ATP8B4: variants seen among roughly 807,000 people sequenced by gnomAD.
The protein encoded by ATP8B4 is probable phospholipid-transporting ATPase IM.
ATP8B4 carries 133 observed loss-of-function variants against 145.6 expected under a neutral mutation model. The observed-to-expected ratio is 0.91, with a 90% confidence interval of 0.79 to 1.05. The LOEUF (loss-of-function observed/expected upper bound fraction) is 1.05. Ranked by LOEUF, ATP8B4 falls within the 50% of genes least tolerant of loss-of-function variation. The pLI, the probability that ATP8B4 is intolerant of heterozygous loss-of-function variation, is 0.00. For synonymous variants in ATP8B4, 507 were observed against 492.9 expected, an observed-to-expected ratio of 1.03 and a Z score of -0.38; for missense variants, 1,458 against 1,425.2, an observed-to-expected ratio of 1.02 and a Z score of -0.37.
At chr15:50,023,779 C>CAAAAAAAAAAAAAAAA (rs60030651) in intron 6 of ATP8B4, among the ~76,000 whole-genome samples, 7 of 75,038 alleles carry the variant, frequency 9.3e-5, no homozygotes, top group Non-Finnish European at 1.5e-4. Context: ...AGACCAAAGG[C>CAAAAAAAAAAAAAAAA]AAAAAAAAAA....
intron 10 of ATP8B4, among the ~76,000 whole-genome samples, chr15:49,983,904 G>T (rs1567140536): frequency 6.6e-6 from 1 of 152,124 alleles, no homozygotes; most frequent in Admixed American, 6.5e-5. Flanking sequence ...TATGATTTTG[G>T]CTTGAGATTA....
chr15:50,155,382 C>A (rs568331073), intron 1 of ATP8B4, among the ~76,000 whole-genome samples: 96 of 152,098 alleles, frequency 6.3e-4, no homozygotes, highest in African/African-American at 2.2e-3. Flanking sequence ...AGTTTTATAA[C>A]CTTTGTGTCA....
At chr15:50,014,604 G>A (rs1257455598) in intron 6 of ATP8B4, among the ~76,000 whole-genome samples, 2 of 152,042 alleles carry the variant, frequency 1.3e-5, no homozygotes, top group Non-Finnish European at 2.9e-5. Flanking sequence ...TTGAATTTCA[G>A]ATAAACAACA....
At chr15:50,072,980 C>CTATATATATATA (rs374525582) in intron 3 of ATP8B4, among the ~76,000 whole-genome samples, 12 of 22,872 alleles carry the variant, frequency 5.2e-4, no homozygotes, top group Non-Finnish European at 8.2e-4. Context: ...CTCTCTCTCT[C>CTATATATATATA]TATATATATA....
chr15:49,862,338 C>A lies in ATP8B4; in HGVS notation c.3204G>T (p.Trp1068Cys). 6.2e-7 allele frequency: 1 copy of A among 1,613,770 alleles called. No individual in the cohort carries two copies. Among genetic ancestry groups the A allele is most frequent in the South Asian group, 1.1e-5 (1 of 91,072 alleles). The change falls in exon 27 of 28, where the codon TGG becomes TGT. Residue 1068 changes from tryptophan (W) to cysteine (C), a missense_variant. Physicochemically the swap from Trp to Cys is radical, Grantham distance 215. Coordinates refer to ENST00000284509, the MANE Select transcript of ATP8B4 (RefSeq NM_024837.4). ...ARHSLTQKCI[W>C]LVILLTTVAS... is the part of the protein sequence containing the mutation. ...CCACTGTTGTTAAGAGAATTACAAG[C>A]CAGATGCACTTCTGGGTCAGGGAAT...
At chr15:50,171,938 C>A (rs2044680383) in intron 1 of ATP8B4, among the ~76,000 whole-genome samples, 2 of 152,178 alleles carry the variant, frequency 1.3e-5, no homozygotes, top group Admixed American at 6.5e-5. Context: ...ACTATGAACA[C>A]CTTATGCACA....
At chr15:50,004,618 G>C (rs903150719) in intron 7 of ATP8B4, among the ~76,000 whole-genome samples, 3 of 152,176 alleles carry the variant, frequency 2.0e-5, no homozygotes, top group Non-Finnish European at 2.9e-5. Context: ...ACCATCCTAA[G>C]AGCTTCACAT....
At chr15:50,168,911 C>T (rs1028854676) in intron 1 of ATP8B4, among the ~76,000 whole-genome samples, 1 of 152,172 alleles carries the variant, frequency 6.6e-6, no homozygotes, top group Non-Finnish European at 1.5e-5. Context: ...TGCTGGCTTT[C>T]CCCGACTTCC....
chr15:50,153,780 T>A (rs1305879527), intron 1 of ATP8B4, among the ~76,000 whole-genome samples: 3 of 152,220 alleles, frequency 2.0e-5, no homozygotes, highest in African/African-American at 7.2e-5. Context: ...AATGAAATTA[T>A]CATTCTGATT....
chr15:49,967,380 G>T (rs542602866), intron 13 of ATP8B4, among the ~76,000 whole-genome samples: 1 of 152,288 alleles, frequency 6.6e-6, no homozygotes, highest in South Asian at 2.1e-4. Context: ...TTGTAAAAAG[G>T]TTAGACAAAT....
intron 25 of ATP8B4, among the ~76,000 whole-genome samples, chr15:49,873,953 C>G (rs772903598): frequency 7.9e-5 from 12 of 152,208 alleles, no homozygotes; most frequent in Non-Finnish European, 1.6e-4. Flanking sequence ...TCTGTAAACA[C>G]ATCAGTTATA....
chr15:49,865,699 T>A (rs1055129217), intron 26 of ATP8B4, among the ~76,000 whole-genome samples: 3 of 152,214 alleles, frequency 2.0e-5, no homozygotes, highest in Admixed American at 6.5e-5. Flanking sequence ...GTCACAGAAG[T>A]CTTCTGTGTT....
At chr15:49,906,029 T>C (rs1458587787) in intron 20 of ATP8B4, among the ~76,000 whole-genome samples, 2 of 152,156 alleles carry the variant, frequency 1.3e-5, no homozygotes, top group African/African-American at 4.8e-5. Context: ...TGATGTTTTG[T>C]AGTCTCATTT....
At chr15:49,961,729 A>T (rs1322338507) in intron 14 of ATP8B4, among the ~76,000 whole-genome samples, 4 of 152,186 alleles carry the variant, frequency 2.6e-5, no homozygotes, top group South Asian at 2.1e-4. Flanking sequence ...CTCACTATGT[A>T]AAAGGTGTGG....
chr15:50,064,832 C>T (rs1057342529), intron 3 of ATP8B4, among the ~76,000 whole-genome samples: 3 of 152,150 alleles, frequency 2.0e-5, no homozygotes, highest in African/African-American at 7.2e-5. Context: ...GCACATCTTA[C>T]ACGGTTGAAG....
Position 50,010,900 on chromosome 15 carries a change from C to T in ATP8B4, c.380G>A (p.Trp127Ter), listed in dbSNP as rs1356901696. 7 of 1,554,652 alleles carry T rather than the reference C, an allele frequency of 4.5e-6. No individual in the cohort carries two copies. The highest frequency in any genetic ancestry group is 5.2e-6 in the Non-Finnish European group (6 of 1,153,016). ...GATGTCTCCCACTTTGACATTCATCCATTTTTCATTCTGCAGTCTAAAAAC... is the reference window on the plus strand; with the variant it reads ...GATGTCTCCCACTTTGACATTCATCTATTTTTCATTCTGCAGTCTAAAAAC... ...LINSKLQNEK[W>*]MNVKVGDIIK... is the part of the protein sequence containing the mutation. Residue 127 changes from tryptophan (W) to a stop codon, truncating the protein, a stop_gained, in exon 7 of 28, where the codon TGG becomes TAG. Coordinates refer to ENST00000284509, the MANE Select transcript of ATP8B4 (RefSeq NM_024837.4). LOFTEE classifies it high-confidence loss of function.
At position 49,972,564 on chromosome 15, in the gene ATP8B4, A is replaced by G. The variant is rs762424181; in HGVS notation, c.1243+18T>C. 29 of 1,602,654 alleles carry G rather than the reference A, an allele frequency of 1.8e-5. No individual in the cohort carries two copies. Among genetic ancestry groups the G allele is most frequent in the Non-Finnish European group, 2.2e-5 (26 of 1,171,762 alleles). ...ATTGTTAACAATATCGTTAAGAGAAAGGAACTGTTTCTCTTACCATAGATT... is the reference window on the plus strand; with the variant it reads ...ATTGTTAACAATATCGTTAAGAGAAGGGAACTGTTTCTCTTACCATAGATT... On this transcript the variant is annotated intron_variant, in intron 13 of 27. Transcript: ENST00000284509.
At chr15:49,934,341 A>G (rs1044912949) in intron 14 of ATP8B4, among the ~76,000 whole-genome samples, 159 bp from the exon 15 acceptor site, 4 of 152,122 alleles carry the variant, frequency 2.6e-5, no homozygotes, top group Admixed American at 2.0e-4. Flanking sequence ...GTTAAATATA[A>G]TCTTCTCATT....
At chr15:49,962,048 A>T (rs372867367) in intron 13 of ATP8B4, 28 bp from the exon 14 acceptor site, 73 of 1,558,044 alleles carry the variant, frequency 4.7e-5, no homozygotes, top group Non-Finnish European at 6.3e-5. Flanking sequence ...GAGAATTAAA[A>T]GTAAGTGAAA....
Sources: gnomAD v4.1 joint callset for allele counts (sites outside exome capture counted in the v4.1 genomes callset) on GRCh38, gnomAD v4.1.1 for gene constraint, MANE v1.5 for transcripts, NCBI Gene and HGNC (gene_info 2026-07-23, HGNC 2026-07-21) for gene names.